The following SND1 variants were observed in gnomAD, a reference collection of about 807,000 sequenced individuals.
SND1 encodes staphylococcal nuclease and tudor domain containing 1, also known as staphylococcal nuclease domain-containing protein 1.
SND1 carries 38 observed loss-of-function variants against 121.7 expected under a neutral mutation model. That is an observed-to-expected ratio of 0.31 (90% CI 0.24 to 0.41). SND1 has a LOEUF of 0.41. Among genes scored for constraint, SND1 ranks in the 10% least tolerant of loss-of-function variants. SND1 has a pLI of 1.00. For missense variants in SND1, 868 were observed against 1,184.6 expected (o/e 0.73, Z 3.92); for synonymous variants, 401 against 447.4 (o/e 0.90, Z 1.31).
intron 12 of SND1, among the ~76,000 whole-genome samples, chr7:127,880,496 C>T (rs764758306): frequency 2.0e-4 from 30 of 152,172 alleles, no homozygotes; most frequent in Non-Finnish European, 4.0e-4. Context: ...AAATATATTG[C>T]AGGCTCTCTT....
chr7:127,688,774 T>C (rs142880434), intron 2 of SND1, among the ~76,000 whole-genome samples: 260 of 152,132 alleles, frequency 1.7e-3, no homozygotes, highest in African/African-American at 5.9e-3. Context: ...AATTATTTGT[T>C]CTTTGCCCCA....
At chr7:128,039,967 G>A (rs1045711186) in intron 16 of SND1, among the ~76,000 whole-genome samples, 1 of 152,168 alleles carries the variant, frequency 6.6e-6, no homozygotes, top group South Asian at 2.1e-4. Context: ...TAGCACAGTC[G>A]GCGGGTACCT....
At position 127,807,543 on chromosome 7, in the gene SND1, A is replaced by G; in HGVS notation, c.1212A>G (p.Glu404=). 3 of 1,614,024 alleles carry G rather than the reference A, an allele frequency of 1.9e-6. No homozygotes were observed. The highest frequency in any genetic ancestry group is 2.2e-5 in the South Asian group (2 of 91,082). ...TTCCTTACATGTTTGAGGCCCGGGA[A>G]TTTCTTCGAAAAAAGCTTATTGGGA... ...YDIPYMFEAR[E]FLRKKLIGKK... The change falls in exon 11 of 24, where the codon GAA becomes GAG. Residue 404 remains glutamate, a synonymous_variant. Transcript: ENST00000354725.
intron 11 of SND1, among the ~76,000 whole-genome samples, chr7:127,816,281 A>G (rs567119055): frequency 5.3e-5 from 8 of 152,314 alleles, no homozygotes; most frequent in African/African-American, 1.4e-4. Context: ...TGCTCATCCC[A>G]TTCAAGGTTG....
chr7:127,713,038 A>T (rs528682096), intron 9 of SND1, among the ~76,000 whole-genome samples: 2 of 152,232 alleles, frequency 1.3e-5, no homozygotes, highest in Non-Finnish European at 2.9e-5. Flanking sequence ...TATACCACTA[A>T]GTGTGTTCAT....
At chr7:128,079,902 T>G (rs1793568455) in intron 17 of SND1, among the ~76,000 whole-genome samples, 1 of 152,186 alleles carries the variant, frequency 6.6e-6, no homozygotes, top group African/African-American at 2.4e-5. Context: ...GGTGGTGTTT[T>G]CTCAGGGATA....
chr7:127,921,789 A>G (rs1441836313), intron 14 of SND1, among the ~76,000 whole-genome samples: 1 of 152,198 alleles, frequency 6.6e-6, no homozygotes, highest in Non-Finnish European at 1.5e-5. Context: ...ACTATAGTTT[A>G]ACCTTTGTCA....
intron 11 of SND1, among the ~76,000 whole-genome samples, chr7:127,809,870 T>C (rs1347537306): frequency 2.6e-5 from 4 of 152,320 alleles, no homozygotes; most frequent in African/African-American, 9.6e-5. Context: ...CTTCCTGGAT[T>C]TAATTCTGGA....
At chr7:127,872,598 A>G (rs1799613096) in intron 12 of SND1, among the ~76,000 whole-genome samples, 1 of 149,452 alleles carries the variant, frequency 6.7e-6, no homozygotes, top group African/African-American at 2.5e-5. Flanking sequence ...ATGACACAGT[A>G]TCTTACATTA....
chr7:127,698,809 T>G (rs546052167), intron 3 of SND1, 66 bp from the exon 4 acceptor site: 2 of 1,293,736 alleles, frequency 1.5e-6, no homozygotes, highest in East Asian at 4.6e-5. Flanking sequence ...GTGGTCCCAT[T>G]TGGGCTCTGT....
chr7:128,082,077 G>A (rs986289782), intron 18 of SND1: 11 of 447,248 alleles, frequency 2.5e-5, no homozygotes, highest in African/African-American at 2.0e-4. Flanking sequence ...TCCGTCCTGA[G>A]TGGTGTGCAC....
intron 15 of SND1, among the ~76,000 whole-genome samples, chr7:127,968,134 G>A (rs1801898445): frequency 6.6e-6 from 1 of 152,208 alleles, no homozygotes; most frequent in Non-Finnish European, 1.5e-5. Context: ...GGGACTGAGG[G>A]AGAAGACCAA....
intron 15 of SND1, among the ~76,000 whole-genome samples, chr7:127,969,149 G>A (rs981516732): frequency 1.3e-5 from 2 of 152,140 alleles, no homozygotes; most frequent in East Asian, 3.8e-4. Flanking sequence ...ATAGTTGGTG[G>A]TGGGTAGGTG....
chr7:128,022,567 A>G (rs1424019215), intron 16 of SND1, among the ~76,000 whole-genome samples: 5 of 152,238 alleles, frequency 3.3e-5, no homozygotes, highest in African/African-American at 1.2e-4. Context: ...CTCACTGCAA[A>G]GGTCCATGTA....
intron 10 of SND1, among the ~76,000 whole-genome samples, chr7:127,751,688 G>C (rs1051045581): frequency 6.6e-6 from 1 of 152,236 alleles, no homozygotes; most frequent in African/African-American, 2.4e-5. Flanking sequence ...CAACCTCGCT[G>C]TTCCAGCAAA....
chr7:127,885,654 A>G (rs950974864), intron 12 of SND1, among the ~76,000 whole-genome samples: 1 of 152,070 alleles, frequency 6.6e-6, no homozygotes, highest in Non-Finnish European at 1.5e-5. Flanking sequence ...AATTCTGTGT[A>G]TTGATTTGAG....
At chr7:127,952,333 A>G (rs1475316500) in intron 15 of SND1, among the ~76,000 whole-genome samples, 1 of 152,232 alleles carries the variant, frequency 6.6e-6, no homozygotes, top group Non-Finnish European at 1.5e-5. Context: ...ACCAATGTGC[A>G]TTTCCGAGAA....
At chr7:128,089,468 C>G (rs751466583) in intron 21 of SND1, 21 bp from the exon 22 acceptor site, 5 of 1,599,316 alleles carry the variant, frequency 3.1e-6, no homozygotes, top group Non-Finnish European at 3.4e-6. Flanking sequence ...TTGCTCTGAC[C>G]TGAGTGTGTC....
chr7:127,797,401 A>G (rs1798047610), intron 10 of SND1, among the ~76,000 whole-genome samples: 1 of 152,238 alleles, frequency 6.6e-6, no homozygotes, highest in Non-Finnish European at 1.5e-5. Context: ...CTTCAGGAGA[A>G]CTGAACTCAA....
Sources: gnomAD v4.1 joint callset for allele counts (sites outside exome capture counted in the v4.1 genomes callset) on GRCh38, gnomAD v4.1.1 for gene constraint, MANE v1.5 for transcripts, NCBI Gene and HGNC (gene_info 2026-07-23, HGNC 2026-07-21) for gene names.